The following THOC2 variants were observed in gnomAD, a reference collection of about 807,000 sequenced individuals.
The protein encoded by THOC2 is THO complex 2.
THOC2 carries 10 observed loss-of-function variants against 128.4 expected under a neutral mutation model. The observed-to-expected ratio is 0.08, with a 90% CI of 0.05 to 0.13. The LOEUF (loss-of-function observed/expected upper bound fraction) is 0.13. Ranked by LOEUF, THOC2 falls within the 10% of genes least tolerant of loss-of-function variation. THOC2 has a pLI of 1.00. For missense variants in THOC2, 535 were observed against 1,155.7 expected, an observed-to-expected ratio of 0.46 and a Z score of 7.79; for synonymous variants, 393 against 396.9, an observed-to-expected ratio of 0.99 and a Z score of 0.12.
rs181571623 is a variant in THOC2, at chrX:123,731,813, C to T, written c.71+1139G>A. Among the ~76,000 whole-genome samples, 10 of 111,437 alleles carry T rather than the reference C, an allele frequency of 9.0e-5. No homozygotes were observed. In the East Asian group the frequency reaches 2.6e-3, roughly 28 times the overall value. On this transcript the variant is annotated intron_variant, in intron 1 of 38. Transcript: ENST00000245838. Reference sequence around the variant, plus strand: ...AAGCGCGGGATCCGGCAACGCGTTCCTCGTGTTTCGTTCCAAGTAACGAAG... The same window carrying T: ...AAGCGCGGGATCCGGCAACGCGTTCTTCGTGTTTCGTTCCAAGTAACGAAG...
chrX:123,618,646 T>G (rs1003733154), intron 33 of THOC2, among the ~76,000 whole-genome samples: 2 of 111,644 alleles, frequency 1.8e-5, no homozygotes, highest in Non-Finnish European at 3.8e-5. Context: ...GGAGGCAAAG[T>G]AGAAAATCAA....
At position 123,730,397 on chromosome X, in the gene THOC2, G is replaced by A. The variant is rs763346493; in HGVS notation, c.71+2555C>T. Among the ~76,000 whole-genome samples, 6 of 109,735 alleles carry A rather than the reference G, an allele frequency of 5.5e-5. No individual in the cohort carries two copies. The East Asian group carries it at 1.7e-3, about 32-fold the overall frequency. On this transcript the variant is annotated intron_variant, in intron 1 of 38. Transcript: ENST00000245838. Reference sequence around the variant, plus strand: ...TTCTCCATGTTGGTCAGGCTTGTCTGGAACTCCTGACCTCAGGTGATCCAC... The same window carrying A: ...TTCTCCATGTTGGTCAGGCTTGTCTAGAACTCCTGACCTCAGGTGATCCAC...
At chrX:123,714,999 G>C (rs2051343734) in intron 1 of THOC2, among the ~76,000 whole-genome samples, 2 of 100,849 alleles carry the variant, frequency 2.0e-5, no homozygotes, top group Admixed American at 2.2e-4. Context: ...TTCAAAAGAG[G>C]AAATTTGTAG....
chrX:123,610,951 C>T lies in THOC2; in HGVS notation c.4767G>A (p.Ser1589=), dbSNP rs369296561. Residue 1589 remains serine (S), a synonymous_variant, in exon 38 of 39, where the codon TCG becomes TCA. Transcript: ENST00000245838. ...GKEEKKHHKS[S]DKHR ...AAAGTCTTCATTATCTGTGCTTGTC[C>T]GAGGACTTATGAGTAGATGACAAAT... The T allele has an allele frequency of 1.7e-4, 206 of 1,207,028 alleles. No individual in the cohort carries two copies. Among genetic ancestry groups the T allele is most frequent in the Non-Finnish European group, 2.2e-4 (198 of 893,913 alleles).
At chrX:123,725,670 G>A (rs1215387422) in intron 1 of THOC2, among the ~76,000 whole-genome samples, 3 of 100,842 alleles carry the variant, frequency 3.0e-5, no homozygotes, top group Non-Finnish European at 6.0e-5. Flanking sequence ...CACAAAATAC[G>A]TTAAACCTAA....
At chrX:123,685,531 G>A (rs1051894934) in intron 8 of THOC2, among the ~76,000 whole-genome samples, 1 of 111,605 alleles carries the variant, frequency 9.0e-6, no homozygotes, top group African/African-American at 3.3e-5. Flanking sequence ...AAGGTTCATA[G>A]CAATATCTAT....
Position 123,732,990 on chromosome X carries a change from C to T in THOC2, c.33G>A (p.Glu11=). The change falls in exon 1 of 39, where the codon GAG becomes GAA. Residue 11 remains glutamate, a synonymous_variant. Coordinates refer to ENST00000245838, the MANE Select transcript of THOC2 (RefSeq NM_001081550.2). MAAAAVVVPA[E]WIKNWEKSGR... ...CTGATTTCTCCCAGTTCTTTATCCA[C>T]TCTGCGGGAACCACCACAGCCGCGG... 1 of 1,212,050 alleles carries T rather than the reference C, an allele frequency of 8.3e-7. No individual in the cohort carries two copies. Among genetic ancestry groups the T allele is most frequent in the Non-Finnish European group, 1.1e-6 (1 of 895,542 alleles).
intron 7 of THOC2, among the ~76,000 whole-genome samples, chrX:123,689,498 C>T (rs1236556776): frequency 1.8e-5 from 2 of 111,686 alleles, no homozygotes; most frequent in Non-Finnish European, 3.8e-5. Flanking sequence ...GCATTCATAG[C>T]TCACTGCAAC....
At chrX:123,626,808 C>T (rs2047285895) in intron 23 of THOC2, 146 bp from the exon 24 acceptor site, 1 of 491,750 alleles carries the variant, frequency 2.0e-6, no homozygotes, top group Non-Finnish European at 3.2e-6. Context: ...ACTTTTATCT[C>T]CATTCAACAC....
chrX:123,684,438 C>T (rs1389999499), intron 8 of THOC2, among the ~76,000 whole-genome samples: 1 of 111,795 alleles, frequency 8.9e-6, no homozygotes, highest in East Asian at 2.8e-4. Context: ...GGCTGGAGTG[C>T]AGTGGCATGA....
At chrX:123,623,020 A>G in intron 29 of THOC2, 85 bp downstream of exon 29, 1 of 982,271 alleles carries the variant, frequency 1.0e-6, no homozygotes, top group Non-Finnish European at 1.4e-6. Flanking sequence ...ATACTAAGCC[A>G]GCATTGTACT....
chrX:123,649,270 C>T (rs1364711627), intron 12 of THOC2, among the ~76,000 whole-genome samples: 1 of 111,666 alleles, frequency 9.0e-6, no homozygotes, highest in Admixed American at 9.5e-5. Flanking sequence ...AGAGTCAACA[C>T]CAACAAATAG....
At chrX:123,625,144 G>T (rs1339048052) in intron 25 of THOC2, among the ~76,000 whole-genome samples, 3 of 111,318 alleles carry the variant, frequency 2.7e-5, no homozygotes, top group African/African-American at 9.8e-5. Flanking sequence ...CAGGCTGGAG[G>T]GCCGTGGTGT....
intron 15 of THOC2, 122 bp downstream of exon 15, chrX:123,644,453 C>T: frequency 2.3e-6 from 1 of 434,124 alleles, no homozygotes. Context: ...GTATATAAAT[C>T]AGCTATACCA....
At chrX:123,650,026 C>T (rs918560354) in intron 12 of THOC2, among the ~76,000 whole-genome samples, 14 of 110,890 alleles carry the variant, frequency 1.3e-4, no homozygotes, top group African/African-American at 1.6e-4. Context: ...AAGGTTGAAA[C>T]GAAGAAAAAA....
intron 6 of THOC2, among the ~76,000 whole-genome samples, chrX:123,696,466 T>C (rs767057427): frequency 8.9e-6 from 1 of 111,747 alleles, no homozygotes; most frequent in Admixed American, 9.6e-5. Flanking sequence ...TCATAAATTA[T>C]TTTATTGCTA....
Position 123,668,331 on chromosome X carries a change from A to C in THOC2, c.862-17T>G, listed in dbSNP as rs1333971966. 1 of 1,089,809 alleles carries C rather than the reference A, an allele frequency of 9.2e-7. No homozygotes were observed. Among genetic ancestry groups the C allele is most frequent in the Non-Finnish European group, 1.2e-6 (1 of 807,719 alleles). 89.8% of individuals were successfully genotyped at this position (1,089,809 alleles called of 1,213,427 possible). On this transcript the variant is annotated splice_polypyrimidine_tract_variant and intron_variant, in intron 9 of 38. Transcript: ENST00000245838. ...CGGAAGAAGCTAAAAATGGTACATT[A>C]AAATTTCATAAAATAGCTAATACCA...
chrX:123,709,317 C>T (rs1442005544), intron 2 of THOC2, among the ~76,000 whole-genome samples: 8 of 111,641 alleles, frequency 7.2e-5, no homozygotes, highest in Non-Finnish European at 1.5e-4. Context: ...AGAGGCCGGG[C>T]GCGGTGGCTC....
chrX:123,680,990 C>T (rs1169606124), intron 8 of THOC2, among the ~76,000 whole-genome samples: 1 of 110,674 alleles, frequency 9.0e-6, no homozygotes, highest in Non-Finnish European at 1.9e-5. Context: ...TCTCTCTCAC[C>T]ACAGACACAC....
Sources: gnomAD v4.1 joint callset for allele counts (sites outside exome capture counted in the v4.1 genomes callset) on GRCh38, gnomAD v4.1.1 for gene constraint, MANE v1.5 for transcripts, NCBI Gene and HGNC (gene_info 2026-07-23, HGNC 2026-07-21) for gene names.